The following PCDH9 variants were observed in gnomAD, a reference collection of about 807,000 sequenced individuals.
PCDH9 encodes protocadherin 9.
A neutral mutation model predicts 70.6 loss-of-function variants in PCDH9; 24 were observed. That is an observed-to-expected ratio of 0.34 (90% CI 0.25 to 0.48). PCDH9 has a LOEUF of 0.48. PCDH9 is among the 20% of genes least tolerant of loss of function. PCDH9 has a pLI of 0.99. For missense variants in PCDH9, 1,281 were observed against 1,503.6 expected, an observed-to-expected ratio of 0.85 and a Z score of 2.45; for synonymous variants, 562 against 558.5, an observed-to-expected ratio of 1.01 and a Z score of -0.09.
At chr13:67,018,354 C>T (rs1161751766) in intron 2 of PCDH9, among the ~76,000 whole-genome samples, 1 of 152,008 alleles carries the variant, frequency 6.6e-6, no homozygotes, top group African/African-American at 2.4e-5. Flanking sequence ...GGCATGGTGG[C>T]TCATGCCTGT....
chr13:66,772,987 T>C (rs1002080002), intron 3 of PCDH9, among the ~76,000 whole-genome samples: 34 of 152,198 alleles, frequency 2.2e-4, no homozygotes, highest in African/African-American at 7.7e-4. Context: ...AGCGACACTC[T>C]TAAGTTTAGC....
chr13:66,763,327 T>C (rs2079658232), intron 3 of PCDH9, among the ~76,000 whole-genome samples: 1 of 151,962 alleles, frequency 6.6e-6, no homozygotes, highest in Non-Finnish European at 1.5e-5. Context: ...AATAGTTATA[T>C]TGAAAGATAA....
intron 3 of PCDH9, among the ~76,000 whole-genome samples, chr13:66,864,769 AAGC>A (rs1322747127): frequency 1.3e-5 from 2 of 152,202 alleles, no homozygotes; most frequent in Non-Finnish European, 2.9e-5. Context: ...TGAAACTAGG[AAGC>A]ATTAATCAGA....
At chr13:66,471,628 TA>T (rs1157612422) in intron 4 of PCDH9, among the ~76,000 whole-genome samples, 13 of 152,212 alleles carry the variant, frequency 8.5e-5, no homozygotes, top group Non-Finnish European at 1.6e-4. Context: ...TAATCATTAA[TA>T]ATGGGACTTT....
intron 3 of PCDH9, among the ~76,000 whole-genome samples, chr13:66,849,314 T>A (rs1594145697): frequency 6.6e-6 from 1 of 151,952 alleles, no homozygotes; most frequent in African/African-American, 2.4e-5. Flanking sequence ...TGCAATACAT[T>A]CTTCTTCAGG....
rs182127445 is a variant in PCDH9, at chr13:66,384,311, T to C, written c.3341-79283A>G. ...AAGACTGTATGATGAAAATGTGGAATGTTAAATGTATTAGGGTTTACAAAA... is the reference window on the plus strand; with the variant it reads ...AAGACTGTATGATGAAAATGTGGAACGTTAAATGTATTAGGGTTTACAAAA... On this transcript the variant is annotated intron_variant, in intron 4 of 4. Transcript: ENST00000377865. 2.0e-3 allele frequency among the ~76,000 whole-genome samples: 301 copies of C among 152,230 alleles called. 1 individual carries two copies. The highest frequency in any genetic ancestry group is 6.8e-3 in the African/African-American group (282 of 41,548).
In PCDH9 at chr13:67,086,159, G is replaced by A. The variant is rs1218477506; in HGVS notation, c.3036+139246C>T. Among the ~76,000 whole-genome samples the A allele has an allele frequency of 3.3e-5, 5 of 152,220 alleles. No individual in the cohort carries two copies. In the East Asian group the frequency reaches 9.7e-4, roughly 29 times the overall value. On this transcript the variant is annotated intron_variant, in intron 2 of 4. Transcript: ENST00000377865. ...AATCTAAAAAGATTTTATTCTTTAT[G>A]TATAAAGCATCTTAAATTATATAAC...
intron 4 of PCDH9, among the ~76,000 whole-genome samples, chr13:66,626,950 AC>A (rs2077506854): frequency 2.7e-5 from 2 of 75,278 alleles, no homozygotes; most frequent in Non-Finnish European, 5.7e-5. Context: ...ATCAAATGCC[AC>A]TGTGTGTGTG....
chr13:66,606,582 T>C (rs1008947952), intron 4 of PCDH9, among the ~76,000 whole-genome samples: 2 of 152,158 alleles, frequency 1.3e-5, no homozygotes, highest in East Asian at 3.8e-4. Context: ...TAATTTCCAC[T>C]AGGCATATTG....
chr13:67,125,327 A>G (rs545794320), intron 2 of PCDH9, among the ~76,000 whole-genome samples: 1 of 152,266 alleles, frequency 6.6e-6, no homozygotes, highest in African/African-American at 2.4e-5. Context: ...TGCCAGCGAA[A>G]ACATAATAAA....
At chr13:66,449,050 T>A (rs1425975882) in intron 4 of PCDH9, among the ~76,000 whole-genome samples, 1 of 152,268 alleles carries the variant, frequency 6.6e-6, no homozygotes, top group East Asian at 1.9e-4. Flanking sequence ...GTCTTCTTAA[T>A]GCAGCTCAGC....
chr13:66,580,162 A>G (rs770746198), intron 4 of PCDH9, among the ~76,000 whole-genome samples: 28 of 152,078 alleles, frequency 1.8e-4, no homozygotes, highest in Admixed American at 2.6e-4. Context: ...TAGTATCTGT[A>G]TACAAACTTT....
chr13:66,839,453 A>G (rs2081078653), intron 3 of PCDH9, among the ~76,000 whole-genome samples: 1 of 152,138 alleles, frequency 6.6e-6, no homozygotes, highest in South Asian at 2.1e-4. Context: ...TTTTTGCTTC[A>G]TACTTCACGG....
At chr13:66,588,347 T>C (rs1482701714) in intron 4 of PCDH9, among the ~76,000 whole-genome samples, 1 of 152,066 alleles carries the variant, frequency 6.6e-6, no homozygotes, top group African/African-American at 2.4e-5. Flanking sequence ...CATTGTATCC[T>C]TAGGCTACAA....
intron 3 of PCDH9, among the ~76,000 whole-genome samples, chr13:66,720,336 T>G (rs956942248): frequency 6.7e-6 from 1 of 149,796 alleles, no homozygotes; most frequent in African/African-American, 2.4e-5. Flanking sequence ...GTTTTTTTTT[T>G]TTTTTTGGTA....
chr13:67,176,807 AC>A (rs1158624085), intron 2 of PCDH9, among the ~76,000 whole-genome samples: 1 of 152,030 alleles, frequency 6.6e-6, no homozygotes, highest in African/African-American at 2.4e-5. Flanking sequence ...ACTTTTATCA[AC>A]CCTCCCTCTA....
At chr13:66,804,716 T>C (rs1446507923) in intron 3 of PCDH9, among the ~76,000 whole-genome samples, 2 of 152,224 alleles carry the variant, frequency 1.3e-5, no homozygotes, top group African/African-American at 4.8e-5. Context: ...ACTTATTTCA[T>C]TTTCTGCAAA....
intron 2 of PCDH9, chr13:67,213,281 A>G (rs1349612855): frequency 6.6e-6 from 1 of 150,930 alleles, no homozygotes; most frequent in African/African-American, 2.4e-5. Flanking sequence ...TATGAAAAAC[A>G]TAAAATGGTA....
intron 4 of PCDH9, among the ~76,000 whole-genome samples, chr13:66,339,670 A>G (rs1956094460): frequency 6.6e-6 from 1 of 152,160 alleles, no homozygotes; most frequent in Non-Finnish European, 1.5e-5. Context: ...ACATTAGGAA[A>G]TAGACAAAAT....
Sources: gnomAD v4.1 joint callset for allele counts (sites outside exome capture counted in the v4.1 genomes callset) on GRCh38, gnomAD v4.1.1 for gene constraint, MANE v1.5 for transcripts, NCBI Gene and HGNC (gene_info 2026-07-23, HGNC 2026-07-21) for gene names.